Variants in TAS2R1 observed in about 807,000 individuals in gnomAD.
TAS2R1 encodes the protein taste 2 receptor member 1.
For missense variants in TAS2R1, 370 were observed against 353.4 expected (o/e 1.05, Z -0.38); for synonymous variants, 141 against 134.2 (o/e 1.05, Z -0.35).
chr5:9,712,817 A>G (rs1172476427), upstream of TAS2R1, among the ~76,000 whole-genome samples: 1 of 150,444 alleles, frequency 6.6e-6, no homozygotes, highest in Admixed American at 6.6e-5. Context: ...GAGGGTGGGT[A>G]TATTAGTTAG....
chr5:9,703,596 C>A (rs1489885142), intron 1 of TAS2R1, among the ~76,000 whole-genome samples: 1 of 152,080 alleles, frequency 6.6e-6, no homozygotes, highest in African/African-American at 2.4e-5. Context: ...TGAGGTAGAC[C>A]AATCCCCGGT....
At chr5:9,694,691 T>C (rs1014934817) in intron 1 of TAS2R1, among the ~76,000 whole-genome samples, 2 of 152,216 alleles carry the variant, frequency 1.3e-5, no homozygotes, top group Admixed American at 6.5e-5. Context: ...CAATAACTTA[T>C]GTCAGTTATA....
the TAS2R1 span, among the ~76,000 whole-genome samples, chr5:9,790,211 T>C: frequency 1.3e-5 from 2 of 152,202 alleles, no homozygotes; most frequent in Non-Finnish European, 2.9e-5. Context: ...TGCAAGGAAA[T>C]AGAGAATGTG....
chr5:9,846,558 A>G, the TAS2R1 span, among the ~76,000 whole-genome samples: 1 of 152,186 alleles, frequency 6.6e-6, no homozygotes, highest in Non-Finnish European at 1.5e-5. Context: ...CCATCAGTGC[A>G]TGCACATCTC....
At chr5:9,887,588 C>T in the TAS2R1 span, among the ~76,000 whole-genome samples, 3 of 152,200 alleles carry the variant, frequency 2.0e-5, no homozygotes, top group Non-Finnish European at 4.4e-5. Flanking sequence ...ACCCAATTCT[C>T]CTGAACCACA....
intron 1 of TAS2R1, among the ~76,000 whole-genome samples, chr5:9,691,278 A>G (rs1280340035): frequency 1.3e-5 from 2 of 152,230 alleles, no homozygotes; most frequent in Non-Finnish European, 2.9e-5. Context: ...CCTTGGGCCA[A>G]GGAATGCCTG....
chr5:9,824,844 G>A, the TAS2R1 span, among the ~76,000 whole-genome samples: 26 of 132,686 alleles, frequency 2.0e-4, no homozygotes, highest in Admixed American at 3.8e-4. Flanking sequence ...TGAAAACTCT[G>A]AAAAAAAAAA....
rs756451354 is a variant in TAS2R1, at chr5:9,630,023, ACT to A, written c.-80-33_-80-32del. ...AGAAGAAAATAGATAATGAGGTGAG[ACT>A]CTAGCATTTTAGGAATAAAAAATTA... On this transcript the variant is annotated intron_variant, in intron 2 of 2. Coordinates refer to the TAS2R1 transcript ENST00000506620. The A allele has an allele frequency of 3.2e-6, 5 of 1,556,562 alleles. No homozygotes were observed. In the African/African-American group the frequency reaches 5.6e-5, roughly 17 times the overall value.
chr5:9,888,725 G>T, the TAS2R1 span, among the ~76,000 whole-genome samples: 1 of 152,138 alleles, frequency 6.6e-6, no homozygotes, highest in Non-Finnish European at 1.5e-5. Flanking sequence ...TAGGATAAAT[G>T]CTCCAAAGGA....
chr5:9,707,543 C>T (rs1045847834), intron 1 of TAS2R1, among the ~76,000 whole-genome samples: 3 of 152,090 alleles, frequency 2.0e-5, no homozygotes, highest in South Asian at 2.1e-4. Context: ...ATTAGCCGGG[C>T]GTGGTGGTGT....
At chr5:9,697,812 T>C (rs16883393) in intron 1 of TAS2R1, among the ~76,000 whole-genome samples, 26,111 of 152,094 alleles carry the variant, frequency 0.17, 2,789 homozygotes, top group South Asian at 0.35. Flanking sequence ...GTTAAAGACA[T>C]TCTGGTTAAA....
chr5:9,674,185 C>T (rs1362992386), intron 1 of TAS2R1, among the ~76,000 whole-genome samples: 1 of 152,116 alleles, frequency 6.6e-6, no homozygotes, highest in African/African-American at 2.4e-5. Flanking sequence ...ATTTTATATG[C>T]CAGCTATGTC....
chr5:9,881,979 A>C, the TAS2R1 span, among the ~76,000 whole-genome samples: 3 of 152,242 alleles, frequency 2.0e-5, no homozygotes, highest in Admixed American at 6.5e-5. Flanking sequence ...CATCAAAAGC[A>C]ATTGCAACAA....
At chr5:9,671,229 A>G (rs1246106747) in intron 1 of TAS2R1, among the ~76,000 whole-genome samples, 1 of 152,116 alleles carries the variant, frequency 6.6e-6, no homozygotes, top group Non-Finnish European at 1.5e-5. Context: ...TGAAAACCAG[A>G]ACAAGACAAG....
intron 1 of TAS2R1, among the ~76,000 whole-genome samples, chr5:9,700,064 T>G (rs913081452): frequency 6.6e-6 from 1 of 152,212 alleles, no homozygotes; most frequent in Non-Finnish European, 1.5e-5. Flanking sequence ...TTTAACCTTA[T>G]GCCAATGTGT....
chr5:9,764,974 T>A, the TAS2R1 span, among the ~76,000 whole-genome samples: 1 of 152,124 alleles, frequency 6.6e-6, no homozygotes, highest in African/African-American at 2.4e-5. Context: ...ATGCTCACAA[T>A]ACAACATCAA....
In TAS2R1 at chr5:9,655,356, T is replaced by C. The variant is rs112662937; in HGVS notation, c.-81+4065A>G. On this transcript the variant is annotated intron_variant, in intron 2 of 2. Coordinates refer to the TAS2R1 transcript ENST00000506620. ...AAAGGAAAAGACTGACAAATATAAC[T>C]ACTTCAAAATTTAAATTTCTGTAGG... Among the ~76,000 whole-genome samples the C allele has an allele frequency of 8.0e-3, 1,217 of 152,298 alleles. 20 individuals carry two copies. The highest frequency in any genetic ancestry group is 0.027 in the African/African-American group (1,129 of 41,580).
chr5:9,796,642 G>A, the TAS2R1 span, among the ~76,000 whole-genome samples: 1 of 145,040 alleles, frequency 6.9e-6, no homozygotes, highest in Non-Finnish European at 1.5e-5. Context: ...CAACAAAAGA[G>A]TGGCCTGAAA....
chr5:9,666,281 G>A (rs1360250436), intron 1 of TAS2R1, among the ~76,000 whole-genome samples: 1 of 152,174 alleles, frequency 6.6e-6, no homozygotes, highest in African/African-American at 2.4e-5. Flanking sequence ...CCATGACTGA[G>A]AGACCCTTGA....
Sources: allele counts gnomAD v4.1 joint callset (sites outside exome capture counted in the v4.1 genomes callset), GRCh38; gene constraint gnomAD v4.1.1; transcripts MANE v1.5; gene names NCBI Gene and HGNC (gene_info 2026-07-23, HGNC 2026-07-21).